The following HSPG2 variants were observed in gnomAD, a reference collection of about 807,000 sequenced individuals.
The protein encoded by HSPG2 is basement membrane-specific heparan sulfate proteoglycan core protein.
A neutral mutation model predicts 526.6 loss-of-function variants in HSPG2; 278 were observed. The observed-to-expected ratio is 0.53, with a 90% CI of 0.48 to 0.58. The LOEUF (loss-of-function observed/expected upper bound fraction) is 0.58. Ranked by LOEUF, HSPG2 falls within the 20% of genes least tolerant of loss-of-function variation. The pLI is 0.00. For missense variants in HSPG2, 5,354 were observed against 6,099.5 expected (o/e 0.88, Z 4.07); for synonymous variants, 2,465 against 2,555.4 (o/e 0.96, Z 1.07).
chr1:21,855,028 A>G (rs1321473951), intron 47 of HSPG2, 45 bp from the exon 48 acceptor site: 1 of 1,605,054 alleles, frequency 6.2e-7, no homozygotes, highest in East Asian at 2.2e-5. Flanking sequence ...GCAGCTGGAC[A>G]ACGGCTGGCC....
chr1:21,829,708 G>A (rs549082790), intron 86 of HSPG2, 104 bp from the exon 87 acceptor site: 1 of 1,022,788 alleles, frequency 9.8e-7, no homozygotes, highest in Non-Finnish European at 1.4e-6. Context: ...TCACTCTCCA[G>A]GCCCAGAGGC....
intron 33 of HSPG2, chr1:21,869,542 C>A (rs943123115): frequency 1.5e-5 from 15 of 987,610 alleles, no homozygotes; most frequent in Non-Finnish European, 1.8e-5. Context: ...AGGTGCTGCT[C>A]GCAGAGCAGC....
At chr1:21,885,513 A>G in intron 9 of HSPG2, 62 bp from the exon 10 acceptor site, 1 of 1,596,982 alleles carries the variant, frequency 6.3e-7, no homozygotes, top group South Asian at 1.1e-5. Context: ...GGGCATCCCC[A>G]GGGCCACTCT....
At chr1:21,909,853 T>C (rs1453696018) in intron 1 of HSPG2, among the ~76,000 whole-genome samples, 1 of 152,354 alleles carries the variant, frequency 6.6e-6, no homozygotes, top group African/African-American at 2.4e-5. Context: ...GAGGGCCCAG[T>C]GGGCCAATGC....
Position 21,865,487 on chromosome 1 carries a change from C to T in HSPG2, c.4315-122G>A. The T allele has an allele frequency of 9.9e-7, 1 of 1,015,034 alleles. No homozygotes were observed. 62.9% of individuals were successfully genotyped at this position (1,015,034 alleles called of 1,614,324 possible). ...TCCCACCTCTCTGCTCTCCCAAGCT[C>T]ATGCGCCCAAAGGAGTCAGGCACAT... On this transcript the variant is annotated intron_variant, in intron 34 of 96. Coordinates refer to ENST00000374695, the MANE Select transcript of HSPG2 (RefSeq NM_005529.7). This position sits in a 1 kb window ranked among gnomAD's most constrained non-coding sequence, Gnocchi z 5.4.
intron 64 of HSPG2, among the ~76,000 whole-genome samples, chr1:21,844,510 C>T (rs1190839250): frequency 6.6e-6 from 1 of 152,236 alleles, no homozygotes; most frequent in Non-Finnish European, 1.5e-5. Flanking sequence ...GCCCCACCAT[C>T]TCCTCCTCCT....
chr1:21,841,189 G>A lies in HSPG2; in HGVS notation c.9425C>T (p.Ser3142Phe), dbSNP rs1450640638. 3.1e-6 allele frequency: 5 copies of A among 1,613,868 alleles called. No homozygotes were observed. Among genetic ancestry groups the A allele is most frequent in the Non-Finnish European group, 4.2e-6 (5 of 1,180,040 alleles). The change falls in exon 71 of 97, where the codon TCC becomes TTC. Residue 3142 changes from serine to phenylalanine, a missense_variant. By Grantham distance (155) the Ser-to-Phe change is radical. Coordinates refer to ENST00000374695, the MANE Select transcript of HSPG2 (RefSeq NM_005529.7). ...LECVSAGEPRSSARWTRISST... is the reference protein window; with the variant it reads ...LECVSAGEPRFSARWTRISST... The stretch of plus-strand genomic sequence containing the variant: ...GCTGATCCGGGTCCAACGAGCAGAG[G>A]AGCGGGGCTCCCCGGCACTGACACA...
rs964058749 is a variant in HSPG2 at position 21,937,224 on chromosome 1, G to A, written c.-7C>T. ...CCGCCGCCCGCCACCCCATGGCCCG[G>A]CCCGCGCCGCTCTCTCGCTCGCTCG... On this transcript the variant is annotated 5_prime_UTR_variant, in exon 1 of 97. Coordinates refer to ENST00000374695, the MANE Select transcript of HSPG2 (RefSeq NM_005529.7). The A allele has an allele frequency of 6.9e-6, 7 of 1,012,740 alleles. No individual in the cohort carries two copies. The East Asian group carries it at 4.0e-4, about 58-fold the overall frequency. The allele number at this position is 1,012,740 out of a possible 1,614,324, so 62.7% of individuals were successfully genotyped here.
At position 21,932,671 on chromosome 1, in the gene HSPG2, A is replaced by T. The variant is rs545442820; in HGVS notation, c.63+4484T>A. On this transcript the variant is annotated intron_variant, in intron 1 of 96. Transcript: ENST00000374695. ...GGGAAGAGTGGTAAGGACCAGAAAG[A>T]GGGAGAGGGTCATATGGATATTACG... Among the ~76,000 whole-genome samples, 10 of 152,332 alleles carry T rather than the reference A, an allele frequency of 6.6e-5. No homozygotes were observed. In the South Asian group the frequency reaches 1.9e-3, roughly 28 times the overall value.
intron 39 of HSPG2, 106 bp downstream of exon 39, chr1:21,861,651 A>G: frequency 9.8e-7 from 1 of 1,022,006 alleles, no homozygotes; most frequent in Non-Finnish European, 1.5e-6. Flanking sequence ...GCAGGGAAGG[A>G]GCATAATCCT....
Position 21,862,967 on chromosome 1 carries a change from G to A in HSPG2, c.4741-852C>T, listed in dbSNP as rs186666870. ...CCCAGCTACTCCAGAGGCTGAGGCA[G>A]GAGAATGGCGTGAACCCAGGAGGCG... On this transcript the variant is annotated intron_variant, in intron 37 of 96. Transcript: ENST00000374695. Among the ~76,000 whole-genome samples the A allele has an allele frequency of 2.0e-3, 301 of 149,218 alleles. 1 individual carries two copies. The highest frequency in any genetic ancestry group is 7.0e-3 in the African/African-American group (283 of 40,528).
rs567497829 is a variant in HSPG2 at position 21,846,221 on chromosome 1, G to A, written c.8351C>T (p.Ser2784Phe). The A allele has an allele frequency of 5.0e-6, 8 of 1,613,018 alleles. No individual in the cohort carries two copies. The Middle Eastern group carries it at 6.6e-4, about 133-fold the overall frequency. Residue 2784 changes from serine to phenylalanine, a missense_variant, in exon 64 of 97, where the codon TCC becomes TTC. Physicochemically the swap from Ser to Phe is radical, Grantham distance 155. Coordinates refer to ENST00000374695, the MANE Select transcript of HSPG2 (RefSeq NM_005529.7). ...CACGTATTCACCCGAGTCGGCCGGG[G>A]ACACATGGTGCAGCCGCAGCCGTGA... ...RGSRLRLHHV[S>F]PADSGEYVCR...
chr1:21,880,994 G>A (rs1641458291), intron 14 of HSPG2, among the ~76,000 whole-genome samples, 159 bp from the exon 15 acceptor site: 1 of 152,204 alleles, frequency 6.6e-6, no homozygotes, highest in Non-Finnish European at 1.5e-5. Flanking sequence ...CGAGATGGGC[G>A]AGACTCAGGC....
chr1:21,844,392 T>C (rs1231397064), intron 64 of HSPG2, 93 bp from the exon 65 acceptor site: 20 of 1,366,754 alleles, frequency 1.5e-5, no homozygotes, highest in East Asian at 2.3e-5. Flanking sequence ...CAGAGGCCAT[T>C]TGGGACATGG....
chr1:21,840,438 T>C lies in HSPG2; in HGVS notation c.9514-421A>G, dbSNP rs181282410. The stretch of plus-strand genomic sequence containing the variant: ...CTCCTGCCTCAGCCTCCTGAGTAGC[T>C]GGGACTATAGGCACCCGCCATCACG... On this transcript the variant is annotated intron_variant, in intron 71 of 96. Transcript: ENST00000374695. 3.3e-5 allele frequency among the ~76,000 whole-genome samples: 5 copies of C among 152,326 alleles called. No homozygotes were observed. In the East Asian group the frequency reaches 9.6e-4, roughly 29 times the overall value.
chr1:21,914,595 T>C (rs1257572301), intron 1 of HSPG2, among the ~76,000 whole-genome samples: 1 of 152,148 alleles, frequency 6.6e-6, no homozygotes, highest in Non-Finnish European at 1.5e-5. Context: ...AAAGCGCAGG[T>C]GTCTGAGTCC....
In HSPG2 at chr1:21,854,323, C is replaced by T. The variant is rs1250606711; in HGVS notation, c.6309G>A (p.Arg2103=). 2 of 1,571,714 alleles carry T rather than the reference C, an allele frequency of 1.3e-6. No individual in the cohort carries two copies. Among genetic ancestry groups the T allele is most frequent in the African/African-American group, 1.3e-5 (1 of 74,374 alleles). ...PHTQVHGSRL[R]LPQVSPADSG... Reference sequence around the variant, plus strand: ...AATCAGCTGGTGAGACCTGGGGGAGCCGCAGACGGGAGCCGTGCACCTGGG... The same window carrying T: ...AATCAGCTGGTGAGACCTGGGGGAGTCGCAGACGGGAGCCGTGCACCTGGG... Residue 2103 remains arginine (R), a synonymous_variant, in exon 50 of 97, where the codon CGG becomes CGA. Transcript: ENST00000374695.
At chr1:21,920,681 G>A (rs561204425) in intron 1 of HSPG2, among the ~76,000 whole-genome samples, 2 of 152,280 alleles carry the variant, frequency 1.3e-5, no homozygotes, top group African/African-American at 4.8e-5. Flanking sequence ...TTTAACCATA[G>A]CCCCTGCTCT....
In HSPG2 at chr1:21,864,514, G is replaced by A. The variant is rs1375107347; in HGVS notation, c.4627-301C>T. ...GGGCATGAACTGGGTTTTAACCCCCGGAGAGTGTGGCCCAAACGTGAGGCT... is the reference window on the plus strand; with the variant it reads ...GGGCATGAACTGGGTTTTAACCCCCAGAGAGTGTGGCCCAAACGTGAGGCT... On this transcript the variant is annotated intron_variant, in intron 36 of 96. Coordinates refer to ENST00000374695, the MANE Select transcript of HSPG2 (RefSeq NM_005529.7). This position sits in a 1 kb window ranked among gnomAD's most constrained non-coding sequence, Gnocchi z 4.8. Among the ~76,000 whole-genome samples, 3 of 152,144 alleles carry A rather than the reference G, an allele frequency of 2.0e-5. No homozygotes were observed. Among genetic ancestry groups the A allele is most frequent in the Admixed American group, 6.5e-5 (1 of 15,278 alleles).
Sources: gnomAD v4.1 joint callset for allele counts (sites outside exome capture counted in the v4.1 genomes callset) on GRCh38, gnomAD v4.1.1 for gene constraint, Gnocchi (gnomAD v3.1) non-coding constraint, MANE v1.5 for transcripts, NCBI Gene and HGNC (gene_info 2026-07-23, HGNC 2026-07-21) for gene names.